The following FCGR2B variants were observed in gnomAD, a reference collection of about 807,000 sequenced individuals.
FCGR2B encodes the protein Fc gamma receptor IIb, also known as low affinity immunoglobulin gamma Fc region receptor II-b.
A neutral mutation model predicts 24.8 loss-of-function variants in FCGR2B; 18 were observed. That is an observed-to-expected ratio of 0.73 (90% CI 0.50 to 1.08). The LOEUF is 1.08. FCGR2B is among the 50% of genes least tolerant of loss of function. The pLI is 0.00. For missense variants in FCGR2B, 215 were observed against 297.6 expected, an observed-to-expected ratio of 0.72 and a Z score of 2.04; for synonymous variants, 79 against 109.8, an observed-to-expected ratio of 0.72 and a Z score of 1.75.
the FCGR2B span, among the ~76,000 whole-genome samples, chr1:161,653,327 A>G: frequency 7.6e-6 from 1 of 132,358 alleles, no homozygotes; most frequent in Non-Finnish European, 1.7e-5. Context: ...AATTGCTTGA[A>G]CCAGGGAGGC....
At chr1:161,671,738 G>A in intron 3 of FCGR2B, 89 bp downstream of exon 3, 9 of 1,590,744 alleles carry the variant, frequency 5.7e-6, no homozygotes, top group Non-Finnish European at 7.7e-6. Context: ...AAAGGGGGGT[G>A]GCCTGCTTAC....
chr1:161,672,901 C>T, intron 3 of FCGR2B, 74 bp from the exon 4 acceptor site: 1 of 1,591,248 alleles, frequency 6.3e-7, no homozygotes, highest in South Asian at 1.1e-5. Context: ...TCGTGTCCCA[C>T]CAGTAAGGAA....
the FCGR2B span, among the ~76,000 whole-genome samples, chr1:161,650,526 A>G: frequency 5.2e-3 from 767 of 147,252 alleles, 28 homozygotes; most frequent in South Asian, 0.027. Context: ...ACTGGAGGAC[A>G]TTTAGCAGCT....
At chr1:161,672,887 C>T in intron 3 of FCGR2B, 88 bp from the exon 4 acceptor site, 1 of 1,562,802 alleles carries the variant, frequency 6.4e-7, no homozygotes, top group African/African-American at 1.4e-5. Context: ...GTTCCCTCTG[C>T]ACATCGTGTC....
chr1:161,677,303 C>A (rs774179270), intron 6 of FCGR2B, 25 bp from the exon 7 acceptor site: 4 of 1,613,136 alleles, frequency 2.5e-6, no homozygotes, highest in Admixed American at 3.3e-5. Flanking sequence ...AGTGCTCTGG[C>A]TGATATTTCT....
the FCGR2B span, among the ~76,000 whole-genome samples, chr1:161,650,326 A>G: frequency 6.9e-6 from 1 of 145,966 alleles, no homozygotes; most frequent in African/African-American, 2.5e-5. Flanking sequence ...GTAGGTAGCT[A>G]TCATTATATT....
intron 6 of FCGR2B, chr1:161,676,500 T>A (rs536605727): frequency 5.7e-6 from 1 of 175,144 alleles, no homozygotes; most frequent in Admixed American, 6.3e-5. Flanking sequence ...TGGGGCTGCA[T>A]AAATGGTTTT....
At chr1:161,653,556 A>G in the FCGR2B span, among the ~76,000 whole-genome samples, 1 of 145,188 alleles carries the variant, frequency 6.9e-6, no homozygotes, top group Non-Finnish European at 1.5e-5. Context: ...AGTGACGTTT[A>G]TAGTTAAACT....
chr1:161,675,903 A>C (rs1349081206), intron 6 of FCGR2B: 3 of 232,914 alleles, frequency 1.3e-5, no homozygotes, highest in Non-Finnish European at 2.5e-5. Flanking sequence ...CCATGCACTC[A>C]AGGTTGACTG....
rs1682235508 is a variant in FCGR2B, at chr1:161,677,367, T to C, written c.855+2T>C. 1 of 1,613,106 alleles carries C rather than the reference T, an allele frequency of 6.2e-7. No individual in the cohort carries two copies. Among genetic ancestry groups the C allele is most frequent in the African/African-American group, 1.3e-5 (1 of 74,818 alleles). On this transcript the variant is annotated splice_donor_variant, in intron 7 of 7. Transcript: ENST00000358671. LOFTEE classifies it high-confidence loss of function. Reference sequence around the variant, plus strand: ...CCTGATGAGGCTGACAAAGTTGGGGTGAGTGATCCCAGCCATCTCCCCCTC... The same window carrying C: ...CCTGATGAGGCTGACAAAGTTGGGGCGAGTGATCCCAGCCATCTCCCCCTC...
upstream of FCGR2B, among the ~76,000 whole-genome samples, chr1:161,661,262 G>GACA (rs1557895338): frequency 4.1e-5 from 1 of 24,454 alleles, no homozygotes; most frequent in African/African-American, 1.0e-4. Flanking sequence ...AAGAAAGAAA[G>GACA]GAAGGAAGCA....
Position 161,678,291 on chromosome 1 carries a change from C to A in FCGR2B, c.*738C>A. On this transcript the variant is annotated 3_prime_UTR_variant, in exon 8 of 8. Transcript: ENST00000358671. The stretch of plus-strand genomic sequence containing the variant: ...AACAGACTGCATATATGATGGTGAT[C>A]CCATAAAATTATAATACCATATTTC... 1 of 218,456 alleles carries A rather than the reference C, an allele frequency of 4.6e-6. No homozygotes were observed. The highest frequency in any genetic ancestry group is 9.2e-6 in the Non-Finnish European group (1 of 108,786). 13.5% of individuals were successfully genotyped at this position (218,456 alleles called of 1,614,324 possible).
At chr1:161,661,105 G>C (rs1354186114), upstream of FCGR2B, among the ~76,000 whole-genome samples, 2 of 86,626 alleles carry the variant, frequency 2.3e-5, 1 homozygote, top group Non-Finnish European at 4.6e-5. Context: ...AAAAGAAAGA[G>C]AGACTCTGGC....
Position 161,675,292 on chromosome 1 carries a change from G to A in FCGR2B, c.796G>A (p.Glu266Lys), listed in dbSNP as rs1480457669. 1.2e-6 allele frequency: 2 copies of A among 1,605,676 alleles called. No individual in the cohort carries two copies. The highest frequency in any genetic ancestry group is 2.3e-5 in the East Asian group (1 of 44,374). The change falls in exon 6 of 8, where the codon GAG becomes AAG. Residue 266 changes from glutamate (E) to lysine (K), a missense_variant. By Grantham distance (56) the Glu-to-Lys change is moderately conservative. This residue lies in a region of FCGR2B where 81 missense variants were observed against 81.6 expected (regional missense o/e 0.99). Transcript: ENST00000358671. Reference protein sequence around the residue: ...PGYPECREMGETLPEKPANPT... With the variant: ...PGYPECREMGKTLPEKPANPT... The stretch of plus-strand genomic sequence containing the variant: ...ATACCCTGAGTGCAGGGAAATGGGA[G>A]AGACCCTCCCTGAGAAACCAGGTGA...
chr1:161,650,339 A>C, the FCGR2B span, among the ~76,000 whole-genome samples: 1 of 145,316 alleles, frequency 6.9e-6, no homozygotes, highest in South Asian at 2.2e-4. Flanking sequence ...ATTATATTAT[A>C]TATATTATAT....
chr1:161,661,200 AAG>A (rs1681011412), upstream of FCGR2B, among the ~76,000 whole-genome samples: 4 of 45,138 alleles, frequency 8.9e-5, 1 homozygote, highest in African/African-American at 5.0e-4. Flanking sequence ...GAAAGAAAGA[AAG>A]AAAGAAAGAA....
chr1:161,652,814 G>A, the FCGR2B span, among the ~76,000 whole-genome samples: 8 of 134,490 alleles, frequency 5.9e-5, no homozygotes, highest in Admixed American at 1.6e-4. Flanking sequence ...GAGTTGAGCT[G>A]GGTTCGGGTT....
At chr1:161,651,976 A>AAAATAAAATAAAATAAAATAAAATAAAAT in the FCGR2B span, among the ~76,000 whole-genome samples, 2 of 111,842 alleles carry the variant, frequency 1.8e-5, no homozygotes, top group Admixed American at 1.0e-4. Context: ...AAAATAAAAT[A>AAAATAAAATAAAATAAAATAAAATAAAAT]AAGATCTATG....
At chr1:161,671,039 AGTAT>A (rs1230112164) in intron 2 of FCGR2B, among the ~76,000 whole-genome samples, 4 of 151,932 alleles carry the variant, frequency 2.6e-5, no homozygotes, top group South Asian at 2.1e-4. Context: ...GTCTCGAAAG[AGTAT>A]GTATGTATGG....
Sources: allele counts gnomAD v4.1 joint callset (sites outside exome capture counted in the v4.1 genomes callset), GRCh38; gene constraint gnomAD v4.1.1; regional missense constraint gnomAD v4.1.1; transcripts MANE v1.5; gene names NCBI Gene and HGNC (gene_info 2026-07-23, HGNC 2026-07-21).